Variants in PRR33 observed in about 807,000 individuals in gnomAD.
The protein encoded by PRR33 is proline-rich protein 33.
PRR33 carries 1 observed loss-of-function variant against 0.5 expected under a neutral mutation model. The ratio of observed to expected loss-of-function variants is 2.18; its 90% CI spans 0.77 to 10.34. The LOEUF (loss-of-function observed/expected upper bound fraction) is 10.34. PRR33 is among the 30% of genes most tolerant of loss of function. PRR33 has a pLI of 0.13. For missense variants in PRR33, 552 were observed against 251.8 expected (o/e 2.19, Z -8.07); for synonymous variants, 226 against 110.0 (o/e 2.06, Z -6.60).
the PRR33 span, among the ~76,000 whole-genome samples, chr11:1,902,333 G>A: frequency 6.6e-6 from 1 of 152,092 alleles, no homozygotes; most frequent in Non-Finnish European, 1.5e-5. Context: ...TGAGTACAGG[G>A]TGGGACCCAT....
the PRR33 span, among the ~76,000 whole-genome samples, chr11:1,903,961 A>C: frequency 6.6e-6 from 1 of 152,342 alleles, no homozygotes; most frequent in East Asian, 1.9e-4. Flanking sequence ...CAAGCCAGTG[A>C]ATGATCAAAT....
chr11:1,898,727 C>G, the PRR33 span, among the ~76,000 whole-genome samples: 1 of 151,666 alleles, frequency 6.6e-6, no homozygotes, highest in African/African-American at 2.4e-5. Flanking sequence ...TCACCCAGAC[C>G]GGGCACAGGG....
the PRR33 span, among the ~76,000 whole-genome samples, chr11:1,917,517 C>A: frequency 1.3e-5 from 2 of 152,214 alleles, no homozygotes; most frequent in Admixed American, 6.5e-5. Flanking sequence ...GTCCCCAACC[C>A]AGGCTGGGCC....
chr11:1,889,230 G>C, exon 1 of PRR33: 1 of 674,708 alleles, frequency 1.5e-6, no homozygotes, highest in Non-Finnish European at 2.7e-6. Context: ...TGTGGGAGGG[G>C]GCCGGGTGGC....
At chr11:1,904,283 C>G in the PRR33 span, among the ~76,000 whole-genome samples, 1 of 152,182 alleles carries the variant, frequency 6.6e-6, no homozygotes, top group African/African-American at 2.4e-5. Context: ...AATCCCAGCA[C>G]TTTGGGAGGC....
chr11:1,916,504 TC>T, the PRR33 span, among the ~76,000 whole-genome samples: 152,124 of 152,126 alleles, frequency 1, 76,061 homozygotes, highest in Middle Eastern at 1. Context: ...GTGACAGCAC[TC>T]CCCTTGTTTC....
exon 1 of PRR33, chr11:1,888,998 C>A: frequency 1.8e-6 from 1 of 552,988 alleles, no homozygotes; most frequent in East Asian, 3.2e-5. Context: ...CTCAGCACCC[C>A]ATGTGCCCTT....
the PRR33 span, among the ~76,000 whole-genome samples, chr11:1,897,132 T>C: frequency 6.6e-6 from 1 of 152,224 alleles, no homozygotes; most frequent in African/African-American, 2.4e-5. This position sits in a 1 kb window ranked among gnomAD's most constrained non-coding sequence, Gnocchi z 4.0. Flanking sequence ...GCACCCTTGA[T>C]GAGCGGAAAC....
the PRR33 span, among the ~76,000 whole-genome samples, chr11:1,914,596 G>GTA: frequency 6.7e-6 from 1 of 150,370 alleles, no homozygotes; most frequent in South Asian, 2.1e-4. Flanking sequence ...GTGTGTGTGT[G>GTA]TGTGTGTGTG....
the PRR33 span, among the ~76,000 whole-genome samples, chr11:1,913,458 T>C: frequency 6.6e-6 from 1 of 152,166 alleles, no homozygotes; most frequent in Non-Finnish European, 1.5e-5. Context: ...CGCTTTCTGA[T>C]ATAAGCATCC....
the PRR33 span, among the ~76,000 whole-genome samples, chr11:1,903,443 G>T: frequency 2.0e-5 from 3 of 152,236 alleles, no homozygotes; most frequent in South Asian, 6.2e-4. Flanking sequence ...ACCTTGCCAG[G>T]CCTCATTTGC....
At chr11:1,910,528 G>A in the PRR33 span, among the ~76,000 whole-genome samples, 7 of 152,322 alleles carry the variant, frequency 4.6e-5, no homozygotes, top group South Asian at 2.1e-4. Context: ...GATTACAGGC[G>A]TGAGCCACCG....
chr11:1,888,055 T>A (rs1387958607), downstream of PRR33, among the ~76,000 whole-genome samples: 1 of 152,128 alleles, frequency 6.6e-6, no homozygotes, highest in East Asian at 1.9e-4. Context: ...CATCCCATGC[T>A]GCAGACAGAG....
At chr11:1,909,069 A>C in the PRR33 span, among the ~76,000 whole-genome samples, 3 of 152,294 alleles carry the variant, frequency 2.0e-5, no homozygotes, top group Middle Eastern at 3.4e-3. Flanking sequence ...GCCCCCATCT[A>C]CCCAGCCCCC....
the PRR33 span, among the ~76,000 whole-genome samples, chr11:1,912,119 G>A: frequency 6.6e-6 from 1 of 151,412 alleles, no homozygotes; most frequent in Non-Finnish European, 1.5e-5. Context: ...GCTGCAGTGA[G>A]CCAGGATCTC....
At chr11:1,897,410 A>G in the PRR33 span, among the ~76,000 whole-genome samples, 1 of 152,200 alleles carries the variant, frequency 6.6e-6, no homozygotes, top group Non-Finnish European at 1.5e-5. The surrounding 1 kb of genome is among the most constrained non-coding windows in gnomAD (Gnocchi z 4.0). Context: ...TGTAAGGGAT[A>G]GAGAGGAACC....
At chr11:1,904,969 G>A in the PRR33 span, among the ~76,000 whole-genome samples, 1 of 151,846 alleles carries the variant, frequency 6.6e-6, no homozygotes, top group South Asian at 2.1e-4. Context: ...CCAAGTTTTG[G>A]TTTTCTCAAT....
the PRR33 span, among the ~76,000 whole-genome samples, chr11:1,917,232 G>C: frequency 6.6e-6 from 1 of 152,166 alleles, no homozygotes; most frequent in Non-Finnish European, 1.5e-5. Flanking sequence ...AGGGCATGAG[G>C]AGAGGCTCAG....
At chr11:1,902,415 G>T in the PRR33 span, among the ~76,000 whole-genome samples, 1 of 152,134 alleles carries the variant, frequency 6.6e-6, no homozygotes, top group African/African-American at 2.4e-5. Context: ...AAAGCCTGCT[G>T]GATCTGAGAG....
Sources: gnomAD v4.1 joint callset for allele counts (sites outside exome capture counted in the v4.1 genomes callset) on GRCh38, gnomAD v4.1.1 for gene constraint, Gnocchi (gnomAD v3.1) non-coding constraint, MANE v1.5 for transcripts, NCBI Gene and HGNC (gene_info 2026-07-23, HGNC 2026-07-21) for gene names.